The following NDUFA10 variants were observed in gnomAD, a reference collection of about 807,000 sequenced individuals.
NDUFA10 encodes NADH dehydrogenase [ubiquinone] 1 alpha subcomplex subunit 10, mitochondrial.
A neutral mutation model predicts 47.8 loss-of-function variants in NDUFA10; 40 were observed. That is an observed-to-expected ratio of 0.84 (90% CI 0.65 to 1.09). The LOEUF (loss-of-function observed/expected upper bound fraction) is 1.09, where lower values mean the gene tolerates loss of function less well. Among genes scored for constraint, NDUFA10 ranks in the 50% least tolerant of loss-of-function variants. NDUFA10 has a pLI of 0.00. For synonymous variants in NDUFA10, 183 were observed against 172.2 expected, an observed-to-expected ratio of 1.06 and a Z score of -0.49; for missense variants, 413 against 451.1, an observed-to-expected ratio of 0.92 and a Z score of 0.76.
chr2:239,956,252 G>A (rs114637789), downstream of NDUFA10, among the ~76,000 whole-genome samples: 1,708 of 152,260 alleles, frequency 0.011, 27 homozygotes, highest in African/African-American at 0.037. Flanking sequence ...CATGCAAGAC[G>A]CACAAAATCC....
At chr2:239,912,940 G>A (rs1693780242) in intron 4 of NDUFA10, among the ~76,000 whole-genome samples, 1 of 152,228 alleles carries the variant, frequency 6.6e-6, no homozygotes, top group Admixed American at 6.5e-5. Flanking sequence ...CAGCCAAGCT[G>A]TTCCCAGCTG....
At chr2:240,000,192 A>C (rs1250643722) in intron 8 of NDUFA10, among the ~76,000 whole-genome samples, 1 of 152,212 alleles carries the variant, frequency 6.6e-6, no homozygotes, top group Non-Finnish European at 1.5e-5. Context: ...CTTATTTAAA[A>C]AAGTAACTGT....
chr2:239,937,226 T>C (rs1330014204), intron 4 of NDUFA10, among the ~76,000 whole-genome samples: 1 of 152,230 alleles, frequency 6.6e-6, no homozygotes, highest in African/African-American at 2.4e-5. Flanking sequence ...GAGCCATAGC[T>C]TCTATACCAT....
intron 4 of NDUFA10, among the ~76,000 whole-genome samples, chr2:239,932,953 G>A (rs1265216926): frequency 1.3e-5 from 2 of 152,146 alleles, no homozygotes; most frequent in African/African-American, 4.8e-5. Flanking sequence ...TACACTATGA[G>A]CGAGACTCCA....
At chr2:239,943,373 C>A (rs1221814865) in intron 4 of NDUFA10, among the ~76,000 whole-genome samples, 5 of 152,164 alleles carry the variant, frequency 3.3e-5, no homozygotes, top group African/African-American at 1.2e-4. Flanking sequence ...CAGTGCCACA[C>A]AGGCTGGATG....
At position 239,893,547 on chromosome 2, in the gene NDUFA10, G is replaced by A. The variant is rs542343193; in HGVS notation, c.*15-840C>T. 1.0e-3 allele frequency among the ~76,000 whole-genome samples: 155 copies of A among 152,310 alleles called. 1 individual carries two copies. Among genetic ancestry groups the A allele is most frequent in the African/African-American group, 3.4e-3 (141 of 41,572 alleles). ...TGGTGTCTGGTGAGGGCTGATCTCC[G>A]CAGCCCTATGGCTGCATCCTCCAGA... On this transcript the variant is annotated intron_variant, in intron 5 of 5. Coordinates refer to the NDUFA10 transcript ENST00000419408.
At chr2:239,909,462 AG>A (rs1248531291) in intron 4 of NDUFA10, among the ~76,000 whole-genome samples, 1 of 152,134 alleles carries the variant, frequency 6.6e-6, no homozygotes, top group African/African-American at 2.4e-5. Context: ...CATACAAAAA[AG>A]TTAGCCAGGC....
intron 9 of NDUFA10, among the ~76,000 whole-genome samples, chr2:239,968,938 G>A (rs896808607): frequency 4.6e-5 from 7 of 152,202 alleles, no homozygotes; most frequent in Admixed American, 3.3e-4. Flanking sequence ...CCTGAAGAAA[G>A]CCCATTGCAG....
At chr2:239,895,345 C>G in intron 4 of NDUFA10, 1 of 441,316 alleles carries the variant, frequency 2.3e-6, no homozygotes, top group South Asian at 1.7e-5. Flanking sequence ...GACCACAGAG[C>G]ATATGAGTGA....
In NDUFA10 at chr2:239,990,382, T is replaced by C. The variant is rs1177712530; in HGVS notation, c.891-200A>G. ...GTCGATCTGGAGCTGCTTTTTAATA[T>C]TACTCTCAGAACCTGAGGTAGCATC... On this transcript the variant is annotated intron_variant, in intron 8 of 9. Coordinates refer to ENST00000252711, the MANE Select transcript of NDUFA10 (RefSeq NM_004544.4). Among the ~76,000 whole-genome samples, 3 of 152,212 alleles carry C rather than the reference T, an allele frequency of 2.0e-5. No homozygotes were observed. In the East Asian group the frequency reaches 5.8e-4, roughly 29 times the overall value.
At chr2:239,913,151 T>C (rs750580465) in intron 4 of NDUFA10, among the ~76,000 whole-genome samples, 4 of 152,204 alleles carry the variant, frequency 2.6e-5, no homozygotes, top group Non-Finnish European at 5.9e-5. Flanking sequence ...CCCTGAACCA[T>C]GCCCAGCCTT....
intron 5 of NDUFA10, chr2:240,014,402 A>G (rs1198648000): frequency 5.3e-6 from 2 of 376,490 alleles, no homozygotes; most frequent in Non-Finnish European, 1.0e-5. Context: ...CAAAAACCTC[A>G]TCAGAGAACA....
intron 4 of NDUFA10, among the ~76,000 whole-genome samples, chr2:239,910,553 G>A (rs891078591): frequency 6.6e-6 from 1 of 152,050 alleles, no homozygotes; most frequent in Non-Finnish European, 1.5e-5. Context: ...ACACACACTG[G>A]GGCCTGCTGG....
At chr2:240,010,379 A>G (rs1697094992) in intron 6 of NDUFA10, among the ~76,000 whole-genome samples, 2 of 152,188 alleles carry the variant, frequency 1.3e-5, no homozygotes, top group Admixed American at 1.3e-4. Context: ...GGCTGAAACC[A>G]GCCATTATTT....
At chr2:239,968,329 G>T (rs967794736) in intron 9 of NDUFA10, among the ~76,000 whole-genome samples, 1 of 152,218 alleles carries the variant, frequency 6.6e-6, no homozygotes, top group African/African-American at 2.4e-5. Context: ...GCTGAGCAGC[G>T]AGCACAGACT....
intron 7 of NDUFA10, among the ~76,000 whole-genome samples, chr2:240,007,100 T>C (rs1481706444): frequency 6.6e-6 from 1 of 152,222 alleles, no homozygotes; most frequent in Non-Finnish European, 1.5e-5. Context: ...GTGACATCTG[T>C]AATTTTCAGA....
intron 9 of NDUFA10, among the ~76,000 whole-genome samples, chr2:239,984,442 G>A (rs900238103): frequency 1.3e-5 from 2 of 152,150 alleles, no homozygotes; most frequent in Non-Finnish European, 2.9e-5. Flanking sequence ...TTTAAAAATC[G>A]GATTTTCCCA....
In NDUFA10 at chr2:240,007,749, G is replaced by A. The variant is rs146881045; in HGVS notation, c.750-379C>T. Among the ~76,000 whole-genome samples the A allele has an allele frequency of 7.5e-3, 1,145 of 152,318 alleles. 22 individuals are homozygous for A. The highest frequency in any genetic ancestry group is 0.026 in the African/African-American group (1,074 of 41,564). On this transcript the variant is annotated intron_variant, in intron 6 of 9. Transcript: ENST00000252711. ...AAAGGCAGTGCCCGCTGCACGGAAG[G>A]ACAACGAAGCCCAGGGCCTAACCGA...
Position 239,987,742 on chromosome 2 carries a change from G to A in NDUFA10, c.999+2332C>T, listed in dbSNP as rs981840400. On this transcript the variant is annotated intron_variant, in intron 9 of 9. Transcript: ENST00000252711. This position sits in a 1 kb window ranked among gnomAD's most constrained non-coding sequence, Gnocchi z 4.8. ...GGGTGGGCAGCCGTGGGGCGAATGC[G>A]CAGGCAGAGCTGCCGAGCACAGCTC... Among the ~76,000 whole-genome samples the A allele has an allele frequency of 1.3e-5, 2 of 152,208 alleles. No individual in the cohort carries two copies. Among genetic ancestry groups the A allele is most frequent in the Non-Finnish European group, 2.9e-5 (2 of 68,034 alleles).
Sources: gnomAD v4.1 joint callset for allele counts (sites outside exome capture counted in the v4.1 genomes callset) on GRCh38, gnomAD v4.1.1 for gene constraint, Gnocchi (gnomAD v3.1) non-coding constraint, MANE v1.5 for transcripts, NCBI Gene and HGNC (gene_info 2026-07-23, HGNC 2026-07-21) for gene names.